STRN: variants seen among roughly 807,000 people sequenced by gnomAD.
STRN encodes protein phosphatase 2 regulatory subunit B'''alpha.
A neutral mutation model predicts 96.3 loss-of-function variants in STRN; 53 were observed. The ratio of observed to expected loss-of-function variants is 0.55; its 90% CI spans 0.44 to 0.69. The LOEUF (loss-of-function observed/expected upper bound fraction) is 0.69, where lower values mean the gene tolerates loss of function less well. Among genes scored for constraint, STRN ranks in the 30% least tolerant of loss-of-function variants. The pLI is 0.00. For missense variants in STRN, 987 were observed against 963.9 expected (o/e 1.02, Z -0.32); for synonymous variants, 428 against 355.9 (o/e 1.20, Z -2.28).
In STRN at chr2:36,855,243, G is replaced by A. The variant is rs1668315044; in HGVS notation, c.1947C>T (p.Arg649=). 6.2e-7 allele frequency: 1 copy of A among 1,613,768 alleles called. No individual in the cohort carries two copies. The highest frequency in any genetic ancestry group is 8.5e-7 in the Non-Finnish European group (1 of 1,179,780). The stretch of plus-strand genomic sequence containing the variant: ...CTACATTGGATTCTAAAGTGAGAAT[G>A]CGTTGTTGTGTTTCCATGTTAAAAA... ...TSIFNMETQQ[R]ILTLESNVDT... is the part of the protein sequence containing the mutation. Residue 649 remains arginine, a synonymous_variant, in exon 15 of 18, where the codon CGC becomes CGT. Coordinates refer to ENST00000263918, the MANE Select transcript of STRN (RefSeq NM_003162.4).
intron 8 of STRN, 60 bp downstream of exon 8, chr2:36,886,656 A>C: frequency 7.4e-7 from 1 of 1,359,740 alleles, no homozygotes; most frequent in Non-Finnish European, 1.0e-6. Context: ...TTGAAAAAAA[A>C]AACTGGGGGA....
intron 4 of STRN, among the ~76,000 whole-genome samples, chr2:36,903,459 G>A (rs1669741595): frequency 6.6e-6 from 1 of 152,078 alleles, no homozygotes; most frequent in African/African-American, 2.4e-5. Flanking sequence ...ATTGTACCTG[G>A]CATATAGAAA....
At chr2:36,912,545 T>G (rs1010704365) in intron 3 of STRN, among the ~76,000 whole-genome samples, 1 of 152,212 alleles carries the variant, frequency 6.6e-6, no homozygotes, top group African/African-American at 2.4e-5. Context: ...GTTAATGTAC[T>G]CTGTATCAGA....
At position 36,846,092 on chromosome 2, in the gene STRN, G is replaced by A. The variant is rs1668068351; in HGVS notation, c.*3364C>T. 1 of 138,828 alleles carries A rather than the reference G, an allele frequency of 7.2e-6. No individual in the cohort carries two copies. The highest frequency in any genetic ancestry group is 2.7e-5 in the African/African-American group (1 of 37,298). 8.6% of individuals were successfully genotyped at this position (138,828 alleles called of 1,614,324 possible). On this transcript the variant is annotated 3_prime_UTR_variant, in exon 18 of 18. Coordinates refer to ENST00000263918, the MANE Select transcript of STRN (RefSeq NM_003162.4). The stretch of plus-strand genomic sequence containing the variant: ...TGCCTTCTTGATGATATTTGTTTTT[G>A]TTAAAAAGTCTGAATGTTCAATGGA...
At chr2:36,917,376 A>G (rs1368004151) in intron 2 of STRN, among the ~76,000 whole-genome samples, 4 of 151,734 alleles carry the variant, frequency 2.6e-5, no homozygotes, top group African/African-American at 9.7e-5. Context: ...TACAAAAATT[A>G]GCTAGGCATG....
At position 36,902,751 on chromosome 2, in the gene STRN, C is replaced by G. The variant is rs777397977; in HGVS notation, c.492G>C (p.Gln164His). 6.3e-7 allele frequency: 1 copy of G among 1,598,556 alleles called. No individual in the cohort carries two copies. Among genetic ancestry groups the G allele is most frequent in the Non-Finnish European group, 8.5e-7 (1 of 1,171,316 alleles). Residue 164 changes from glutamine (Q) to histidine (H), a missense_variant and splice_region_variant, in exon 5 of 18, where the codon CAG (glutamine) becomes CAC (histidine). By Grantham distance (24) the Gln-to-His change is conservative. Transcript: ENST00000263918. ...MWKQGRQLLR[Q>H]YLQEVGYTDT... is the part of the protein sequence containing the mutation. ...CTGTATAACCCACCTCCTGTAGATACCTGTGTGAAGAGAATCCTTAGAGTT... is the reference window on the plus strand; with the variant it reads ...CTGTATAACCCACCTCCTGTAGATAGCTGTGTGAAGAGAATCCTTAGAGTT...
intron 4 of STRN, 186 bp from the exon 5 acceptor site, chr2:36,902,937 C>G (rs988990777): frequency 2.6e-6 from 1 of 384,186 alleles, no homozygotes; most frequent in Non-Finnish European, 4.5e-6. Flanking sequence ...GCAGTACCAG[C>G]CTCTACAGTC....
At chr2:36,956,421 T>TCAACTGTCCAA (rs1466986870) in intron 1 of STRN, among the ~76,000 whole-genome samples, 1 of 152,206 alleles carries the variant, frequency 6.6e-6, no homozygotes, top group African/African-American at 2.4e-5. Context: ...GCCCATACTT[T>TCAACTGTCCAA]CAACTGTCCA....
At position 36,844,520 on chromosome 2, in the gene STRN, A is replaced by G. The variant is rs1002103942; in HGVS notation, c.*4936T>C. 1 of 152,156 alleles carries G rather than the reference A, an allele frequency of 6.6e-6. No individual in the cohort carries two copies. The highest frequency in any genetic ancestry group is 2.4e-5 in the African/African-American group (1 of 41,430). 9.4% of individuals were successfully genotyped at this position (152,156 alleles called of 1,614,324 possible). A position where few individuals can be genotyped will look rare whatever the true frequency, so the allele number is the denominator to read the frequency against. On this transcript the variant is annotated 3_prime_UTR_variant, in exon 18 of 18. Coordinates refer to ENST00000263918, the MANE Select transcript of STRN (RefSeq NM_003162.4). The stretch of plus-strand genomic sequence containing the variant: ...AATTAAAATGATTTTGAAAATTTGC[A>G]TCAGAGAGATGACAAGCATGTGGTC...
chr2:36,888,639 ATG>A (rs70946958), intron 7 of STRN, among the ~76,000 whole-genome samples: 10,779 of 145,106 alleles, frequency 0.074, 452 homozygotes, highest in South Asian at 0.12. Context: ...TTTAATTTAT[ATG>A]TGTGTGTGTG....
intron 15 of STRN, among the ~76,000 whole-genome samples, chr2:36,853,027 C>T (rs915553847): frequency 1.3e-5 from 2 of 152,148 alleles, no homozygotes; most frequent in African/African-American, 2.4e-5. Flanking sequence ...TATGGTGGCA[C>T]ACGCCTGTGG....
intron 10 of STRN, among the ~76,000 whole-genome samples, chr2:36,876,167 G>A (rs1227732775): frequency 6.6e-6 from 1 of 151,996 alleles, no homozygotes; most frequent in African/African-American, 2.4e-5. Context: ...CTACTTGGGA[G>A]GCTGAGATGG....
At position 36,912,805 on chromosome 2, in the gene STRN, A is replaced by G. The variant is rs376470362; in HGVS notation, c.412+3273T>C. Reference sequence around the variant, plus strand: ...ATCTTCACTTGGTTACCTAAGAAATAAATCCAAAAGTGAACCCACCATTTT... The same window carrying G: ...ATCTTCACTTGGTTACCTAAGAAATGAATCCAAAAGTGAACCCACCATTTT... On this transcript the variant is annotated intron_variant, in intron 3 of 17. Coordinates refer to ENST00000263918, the MANE Select transcript of STRN (RefSeq NM_003162.4). Among the ~76,000 whole-genome samples, 11 of 152,284 alleles carry G rather than the reference A, an allele frequency of 7.2e-5. No individual in the cohort carries two copies. In the East Asian group the frequency reaches 2.1e-3, roughly 29 times the overall value.
intron 1 of STRN, among the ~76,000 whole-genome samples, chr2:36,953,801 ATTCTG>A (rs1246924042): frequency 6.6e-6 from 1 of 152,210 alleles, no homozygotes; most frequent in Non-Finnish European, 1.5e-5. Flanking sequence ...TTAACATATT[ATTCTG>A]TTCTAACATA....
At chr2:36,878,459 A>G (rs1306404560) in intron 9 of STRN, among the ~76,000 whole-genome samples, 1 of 152,220 alleles carries the variant, frequency 6.6e-6, no homozygotes, top group Admixed American at 6.5e-5. Flanking sequence ...ATTTCAAATG[A>G]AAATGGGTCA....
chr2:36,918,193 T>C (rs1375697080), intron 2 of STRN, among the ~76,000 whole-genome samples: 1 of 152,166 alleles, frequency 6.6e-6, no homozygotes, highest in African/African-American at 2.4e-5. Flanking sequence ...GCCCATCTAG[T>C]TCAATGTATT....
At chr2:36,925,319 T>G in intron 1 of STRN, 111 bp from the exon 2 acceptor site, 1 of 688,050 alleles carries the variant, frequency 1.5e-6, no homozygotes, top group Non-Finnish European at 2.5e-6. Flanking sequence ...AATATTTCCT[T>G]TACACATTTC....
At chr2:36,917,250 G>A (rs1180627608) in intron 2 of STRN, among the ~76,000 whole-genome samples, 2 of 151,514 alleles carry the variant, frequency 1.3e-5, no homozygotes, top group African/African-American at 2.4e-5. Context: ...GGCTGGGCAC[G>A]GGGGCTCATG....
intron 7 of STRN, 128 bp downstream of exon 7, chr2:36,893,770 G>T: frequency 9.1e-7 from 1 of 1,102,898 alleles, no homozygotes; most frequent in Non-Finnish European, 1.3e-6. Context: ...GATAAAGGGT[G>T]CTAGTAGTAA....
Sources: gnomAD v4.1 joint callset for allele counts (sites outside exome capture counted in the v4.1 genomes callset) on GRCh38, gnomAD v4.1.1 for gene constraint, MANE v1.5 for transcripts, NCBI Gene and HGNC (gene_info 2026-07-23, HGNC 2026-07-21) for gene names.